The following PODXL2 variants were observed in gnomAD, a reference collection of about 807,000 sequenced individuals.
The protein encoded by PODXL2 is podocalyxin like 2.
In PODXL2, 17 loss-of-function variants were observed where a neutral mutation model predicts 53.4. The ratio of observed to expected loss-of-function variants is 0.32; its 90% CI spans 0.22 to 0.48. PODXL2 has a LOEUF of 0.48. Among genes scored for constraint, PODXL2 ranks in the 20% least tolerant of loss-of-function variants. The pLI is 0.99. For synonymous variants in PODXL2, 311 were observed against 306.7 expected (o/e 1.01, Z -0.15); for missense variants, 673 against 760.0 (o/e 0.89, Z 1.35).
rs2074531244 is a variant in PODXL2, at chr3:127,629,822, G to C, written c.70+533G>C. 1.3e-5 allele frequency among the ~76,000 whole-genome samples: 2 copies of C among 152,192 alleles called. No homozygotes were observed. The highest frequency in any genetic ancestry group is 4.1e-4 in the South Asian group (2 of 4,832). On this transcript the variant is annotated intron_variant, in intron 1 of 7. Coordinates refer to ENST00000342480, the MANE Select transcript of PODXL2 (RefSeq NM_015720.4). This position sits in a 1 kb window ranked among gnomAD's most constrained non-coding sequence, Gnocchi z 6.4. ...CGGGAGGGAGTGTGAGTGTGTCACGGTGAATGGGTATTCTCTCCTGTTCTG... is the reference window on the plus strand; with the variant it reads ...CGGGAGGGAGTGTGAGTGTGTCACGCTGAATGGGTATTCTCTCCTGTTCTG...
chr3:127,629,276 T>TCGCCG lies in PODXL2; in HGVS notation c.58_59insGCCGC (p.Leu20ArgfsTer31). On this transcript the variant is annotated frameshift_variant, in exon 1 of 8. Transcript: ENST00000342480. LOFTEE classifies it high-confidence loss of function. The surrounding 1 kb of genome is among the most constrained non-coding windows in gnomAD (Gnocchi z 6.4). ...CGCCGCTGCTTTCGCCGCTGCTGCT[T>TCGCCG]CTGCTGGTTGGGGGTGAGTGCGCTC... The TCGCCG allele has an allele frequency of 9.9e-7, 1 of 1,013,136 alleles. No individual in the cohort carries two copies. The highest frequency in any genetic ancestry group is 1.2e-6 in the Non-Finnish European group (1 of 847,246). 62.8% of individuals were successfully genotyped at this position (1,013,136 alleles called of 1,614,324 possible).
intron 1 of PODXL2, among the ~76,000 whole-genome samples, chr3:127,631,945 C>T (rs2074549437): frequency 6.6e-6 from 1 of 152,112 alleles, no homozygotes; most frequent in Admixed American, 6.5e-5. Context: ...TTTGCCAATT[C>T]CTATTAGACC....
At chr3:127,659,387 A>G (rs1338638641) in intron 2 of PODXL2, among the ~76,000 whole-genome samples, 1 of 152,192 alleles carries the variant, frequency 6.6e-6, no homozygotes, top group Non-Finnish European at 1.5e-5. Context: ...GACAGTTAAA[A>G]TTGTTTTTGT....
intron 1 of PODXL2, among the ~76,000 whole-genome samples, chr3:127,630,997 G>A (rs569211183): frequency 1.6e-4 from 24 of 152,288 alleles, no homozygotes; most frequent in South Asian, 8.3e-4. Context: ...CCTGCCTCCC[G>A]GCTCCTCTCT....
intron 4 of PODXL2, among the ~76,000 whole-genome samples, chr3:127,666,848 C>G (rs2074797221): frequency 6.6e-6 from 1 of 152,218 alleles, no homozygotes; most frequent in South Asian, 2.1e-4. Context: ...TGGGCTTAAG[C>G]CAGGCAGACA....
At chr3:127,633,078 C>G (rs878893795) in intron 1 of PODXL2, among the ~76,000 whole-genome samples, 1 of 152,176 alleles carries the variant, frequency 6.6e-6, no homozygotes, top group African/African-American at 2.4e-5. Context: ...GGGATTCTTG[C>G]TTGTGAAACA....
At chr3:127,646,738 A>G (rs2074659691) in intron 2 of PODXL2, among the ~76,000 whole-genome samples, 1 of 152,206 alleles carries the variant, frequency 6.6e-6, no homozygotes, top group Admixed American at 6.5e-5. Flanking sequence ...CTGTGAGCTC[A>G]GCCAGGTGGC....
chr3:127,647,106 T>G (rs2074661806), intron 2 of PODXL2, among the ~76,000 whole-genome samples: 1 of 152,160 alleles, frequency 6.6e-6, no homozygotes, highest in African/African-American at 2.4e-5. Flanking sequence ...AGTGTGCTGC[T>G]TTTCTAATGT....
intron 1 of PODXL2, among the ~76,000 whole-genome samples, chr3:127,633,806 CATCCAGA>C (rs2074562078): frequency 6.6e-6 from 1 of 151,908 alleles, no homozygotes; most frequent in Admixed American, 6.6e-5. Context: ...AGTGGTGTCT[CATCCAGA>C]CTTGGAGTGG....
chr3:127,658,005 A>G (rs1202616937), intron 2 of PODXL2, among the ~76,000 whole-genome samples: 1 of 152,156 alleles, frequency 6.6e-6, no homozygotes, highest in Non-Finnish European at 1.5e-5. Flanking sequence ...TCCCACCCTT[A>G]TGCTTCTTCA....
chr3:127,636,745 C>T (rs1418547823), intron 1 of PODXL2, among the ~76,000 whole-genome samples: 2 of 152,218 alleles, frequency 1.3e-5, no homozygotes, highest in Non-Finnish European at 2.9e-5. Flanking sequence ...GTGAGCAGTC[C>T]TCAGGAGCAC....
At chr3:127,665,082 CTA>C (rs1356682621) in intron 4 of PODXL2, among the ~76,000 whole-genome samples, 1 of 152,144 alleles carries the variant, frequency 6.6e-6, no homozygotes, top group African/African-American at 2.4e-5. Context: ...TGCTACAAAA[CTA>C]TTATCTGATT....
chr3:127,650,403 G>A (rs1576430366), intron 2 of PODXL2, among the ~76,000 whole-genome samples: 3 of 152,284 alleles, frequency 2.0e-5, no homozygotes, highest in Non-Finnish European at 4.4e-5. Flanking sequence ...CCAGGCCTGG[G>A]GCTTCATCAG....
chr3:127,640,004 G>A (rs1021553939), intron 2 of PODXL2, among the ~76,000 whole-genome samples: 1 of 152,200 alleles, frequency 6.6e-6, no homozygotes, highest in Non-Finnish European at 1.5e-5. Flanking sequence ...GTTTCCTTGA[G>A]TCTATCCGAC....
intron 6 of PODXL2, among the ~76,000 whole-genome samples, chr3:127,670,657 A>C (rs570792953): frequency 2.0e-5 from 3 of 152,300 alleles, no homozygotes; most frequent in Non-Finnish European, 2.9e-5. Flanking sequence ...ACCTGAACTC[A>C]GAAAGGGGGC....
At chr3:127,659,026 C>G (rs1201179571) in intron 2 of PODXL2, among the ~76,000 whole-genome samples, 1 of 151,950 alleles carries the variant, frequency 6.6e-6, no homozygotes, top group Non-Finnish European at 1.5e-5. Flanking sequence ...AATTTTCAAT[C>G]CGTTGAATTT....
chr3:127,640,298 C>A (rs1318584710), intron 2 of PODXL2, among the ~76,000 whole-genome samples: 4 of 152,176 alleles, frequency 2.6e-5, no homozygotes, highest in African/African-American at 9.7e-5. Context: ...AGAACTTAAC[C>A]TTTAATTTTT....
At chr3:127,671,694 G>A (rs896765412) in intron 7 of PODXL2, 81 bp downstream of exon 7, 1 of 1,348,362 alleles carries the variant, frequency 7.4e-7, no homozygotes, top group Middle Eastern at 2.3e-4. Flanking sequence ...GCAAGGGGAG[G>A]CAGTGACTCT....
rs188951912 is a variant in PODXL2 at position 127,659,805 on chromosome 3, C to T, written c.350-573C>T. On this transcript the variant is annotated intron_variant, in intron 2 of 7. Transcript: ENST00000342480. ...AAACTCTGGGCTCAGCCCCTGGCCT[C>T]TCTCTGGCTCTCCCTACATCTTTTT... Among the ~76,000 whole-genome samples the T allele has an allele frequency of 3.2e-3, 482 of 152,362 alleles. 1 individual carries two copies. Among genetic ancestry groups the T allele is most frequent in the Non-Finnish European group, 5.0e-3 (341 of 68,024 alleles).
Sources: allele counts gnomAD v4.1 joint callset (sites outside exome capture counted in the v4.1 genomes callset), GRCh38; gene constraint gnomAD v4.1.1; non-coding constraint Gnocchi (gnomAD v3.1); transcripts MANE v1.5; gene names NCBI Gene and HGNC (gene_info 2026-07-23, HGNC 2026-07-21).